The following DACH1 variants were observed in gnomAD, a reference collection of about 807,000 sequenced individuals.
DACH1 encodes dachshund family transcription factor 1.
A neutral mutation model predicts 54.2 loss-of-function variants in DACH1; 12 were observed. That is an observed-to-expected ratio of 0.22 (90% CI 0.14 to 0.36). The LOEUF (loss-of-function observed/expected upper bound fraction) is 0.36. Ranked by LOEUF, DACH1 falls within the 10% of genes least tolerant of loss-of-function variation. The pLI is 1.00. For missense variants in DACH1, 805 were observed against 929.8 expected, an observed-to-expected ratio of 0.87 and a Z score of 1.75; for synonymous variants, 386 against 366.2, an observed-to-expected ratio of 1.05 and a Z score of -0.62.
chr13:71,622,350 A>G (rs1876309978), intron 3 of DACH1, among the ~76,000 whole-genome samples: 1 of 152,002 alleles, frequency 6.6e-6, no homozygotes, highest in African/African-American at 2.4e-5. Context: ...CTCTAAACAT[A>G]TATTTTTAAT....
intron 6 of DACH1, among the ~76,000 whole-genome samples, chr13:71,535,248 T>C (rs536463770): frequency 6.8e-6 from 1 of 147,640 alleles, no homozygotes; most frequent in Admixed American, 6.6e-5. Flanking sequence ...AAGAAGCATA[T>C]TTATAGATGT....
chr13:71,513,795 C>CG (rs1420648319), intron 6 of DACH1, among the ~76,000 whole-genome samples: 1 of 152,040 alleles, frequency 6.6e-6, no homozygotes, highest in African/African-American at 2.4e-5. Flanking sequence ...TTTACAGTCT[C>CG]AAGTGCTCCA....
At chr13:71,837,659 T>A (rs949585146) in intron 1 of DACH1, among the ~76,000 whole-genome samples, 3 of 151,828 alleles carry the variant, frequency 2.0e-5, no homozygotes, top group Admixed American at 6.6e-5. Flanking sequence ...AAGAATCCCA[T>A]TACTGGGTAT....
chr13:71,814,647 C>G (rs146846816), intron 1 of DACH1, among the ~76,000 whole-genome samples: 2 of 152,000 alleles, frequency 1.3e-5, no homozygotes, highest in Non-Finnish European at 2.9e-5. Flanking sequence ...GTTTTCTGAG[C>G]CTTTGAAAAG....
chr13:71,792,108 G>A (rs7990646), intron 1 of DACH1, among the ~76,000 whole-genome samples: 70,670 of 151,736 alleles, frequency 0.47, 17,393 homozygotes, highest in East Asian at 0.86. Context: ...CTTCCTTACC[G>A]GATTGTGGTA....
chr13:71,735,056 G>GT (rs1190398498), intron 1 of DACH1, among the ~76,000 whole-genome samples: 10 of 150,142 alleles, frequency 6.7e-5, no homozygotes, highest in Non-Finnish European at 1.2e-4. Context: ...ACGTATATGG[G>GT]TGATACATAT....
At chr13:71,742,384 T>C (rs1644602528) in intron 1 of DACH1, among the ~76,000 whole-genome samples, 1 of 152,182 alleles carries the variant, frequency 6.6e-6, no homozygotes, top group South Asian at 2.1e-4. Flanking sequence ...ATATCAATGG[T>C]CGTTACCAGT....
intron 6 of DACH1, among the ~76,000 whole-genome samples, chr13:71,545,370 TAAC>T (rs1883394102): frequency 6.6e-6 from 1 of 152,018 alleles, no homozygotes; most frequent in African/African-American, 2.4e-5. Context: ...TAATAAATAA[TAAC>T]AATCATGATA....
intron 1 of DACH1, among the ~76,000 whole-genome samples, chr13:71,705,420 T>C (rs187790714): frequency 1.1e-3 from 173 of 152,334 alleles, no homozygotes; most frequent in Non-Finnish European, 1.7e-3. Context: ...CTAACAAACC[T>C]GTCTGCAAAT....
At chr13:71,685,200 C>T (rs927628599) in intron 1 of DACH1, among the ~76,000 whole-genome samples, 3 of 152,136 alleles carry the variant, frequency 2.0e-5, no homozygotes, top group Non-Finnish European at 2.9e-5. Flanking sequence ...AGAATAGACC[C>T]GGTGGGCTCC....
chr13:71,544,277 T>A (rs918878804), intron 6 of DACH1, among the ~76,000 whole-genome samples: 16 of 152,052 alleles, frequency 1.1e-4, no homozygotes, highest in Non-Finnish European at 1.9e-4. Context: ...ATGAGACACA[T>A]GACTACTTTG....
At chr13:71,486,657 T>C (rs1057379711) in intron 7 of DACH1, among the ~76,000 whole-genome samples, 7 of 152,142 alleles carry the variant, frequency 4.6e-5, no homozygotes, top group African/African-American at 1.7e-4. Flanking sequence ...TTAATTTTTA[T>C]TTCACCTTGT....
At chr13:71,832,055 C>G (rs1383453727) in intron 1 of DACH1, among the ~76,000 whole-genome samples, 2 of 151,924 alleles carry the variant, frequency 1.3e-5, no homozygotes, top group Non-Finnish European at 1.5e-5. Flanking sequence ...TGTCAGCACA[C>G]AAGAATTTCT....
At chr13:71,490,746 A>C in intron 6 of DACH1, among the ~76,000 whole-genome samples, 1 of 152,188 alleles carries the variant, frequency 6.6e-6, no homozygotes, top group East Asian at 1.9e-4. Flanking sequence ...CAAGGCTGCT[A>C]GTGTTTTCTC....
chr13:71,782,333 T>G (rs892000715), intron 1 of DACH1, among the ~76,000 whole-genome samples: 39 of 151,884 alleles, frequency 2.6e-4, no homozygotes, highest in African/African-American at 9.0e-4. Context: ...TCCTAGCCAC[T>G]AAGGAGGCTG....
intron 1 of DACH1, among the ~76,000 whole-genome samples, chr13:71,813,481 A>T (rs1887797731): frequency 6.6e-6 from 1 of 152,154 alleles, no homozygotes; most frequent in Non-Finnish European, 1.5e-5. Flanking sequence ...TATCAACTCC[A>T]TCCACAGATG....
intron 7 of DACH1, among the ~76,000 whole-genome samples, chr13:71,488,508 A>G (rs888495487): frequency 6.6e-6 from 1 of 152,176 alleles, no homozygotes; most frequent in Non-Finnish European, 1.5e-5. Flanking sequence ...AAGAAATTCT[A>G]TTAATTGAAA....
intron 1 of DACH1, among the ~76,000 whole-genome samples, chr13:71,817,185 G>T (rs1048994348): frequency 1.3e-5 from 2 of 152,092 alleles, no homozygotes; most frequent in African/African-American, 4.8e-5. Context: ...GTTAGAACTG[G>T]AAATGACATT....
intron 4 of DACH1, among the ~76,000 whole-genome samples, chr13:71,567,833 T>C (rs776267122): frequency 3.9e-5 from 6 of 152,032 alleles, no homozygotes; most frequent in Non-Finnish European, 8.8e-5. Context: ...CTATTACTTC[T>C]ATTTCAGCAA....
Sources: gnomAD v4.1 joint callset for allele counts (sites outside exome capture counted in the v4.1 genomes callset) on GRCh38, gnomAD v4.1.1 for gene constraint, MANE v1.5 for transcripts, NCBI Gene and HGNC (gene_info 2026-07-23, HGNC 2026-07-21) for gene names.